GREB1: variants seen among roughly 807,000 people sequenced by gnomAD.
The protein encoded by GREB1 is protein GREB1.
Under a neutral mutation model 200.7 loss-of-function variants are expected in GREB1, and 106 were observed. That is an observed-to-expected ratio of 0.53 (90% confidence interval 0.45 to 0.62). The LOEUF (loss-of-function observed/expected upper bound fraction) is 0.62, where lower values mean the gene tolerates loss of function less well. Ranked by LOEUF, GREB1 falls within the 20% of genes least tolerant of loss-of-function variation. The pLI is 0.00. For synonymous variants in GREB1, 1,132 were observed against 1,092.4 expected (o/e 1.04, Z -0.72); for missense variants, 2,243 against 2,556.8 (o/e 0.88, Z 2.65).
intron 1 of GREB1, among the ~76,000 whole-genome samples, chr2:11,483,046 C>T (rs1672545313): frequency 6.6e-6 from 1 of 151,616 alleles, no homozygotes; most frequent in Non-Finnish European, 1.5e-5. Flanking sequence ...CACTCGGCGC[C>T]CGGCGGGGAA....
At position 11,609,241 on chromosome 2, in the gene GREB1, A is replaced by ATTTT. The variant is rs1488732320; in HGVS notation, c.2667-1446_2667-1443dup. 2.9e-4 allele frequency among the ~76,000 whole-genome samples: 16 copies of ATTTT among 56,042 alleles called. No homozygotes were observed. The South Asian group carries it at 5.7e-3, about 20-fold the overall frequency. 36.8% of individuals were successfully genotyped at this position (56,042 alleles called of 152,430 possible). On this transcript the variant is annotated intron_variant, in intron 17 of 32. Transcript: ENST00000381486. ...TCTTTCTTTCTTCCTGGGCATTATT[A>ATTTT]TTTTATTTATTTATTTATTTATTTA...
intron 19 of GREB1, 59 bp downstream of exon 19, chr2:11,612,669 C>A: frequency 1.8e-6 from 2 of 1,082,322 alleles, no homozygotes; most frequent in South Asian, 2.5e-5. Context: ...TGGGCCCCCT[C>A]AAGGAGCATG....
rs756660241 is a variant in GREB1, at chr2:11,618,990, G to A, written c.4044+71G>A. The A allele has an allele frequency of 5.2e-6, 7 of 1,349,838 alleles. 1 individual carries two copies. The highest frequency in any genetic ancestry group is 4.2e-4 in the Middle Eastern group (2 of 4,782). 83.6% of individuals were successfully genotyped at this position (1,349,838 alleles called of 1,614,324 possible). A position where few individuals can be genotyped will look rare whatever the true frequency, so the allele number is the denominator to read the frequency against. On this transcript the variant is annotated intron_variant, in intron 22 of 32. Transcript: ENST00000381486. The stretch of plus-strand genomic sequence containing the variant: ...CCTCACACTCCCATCTGGAGGGCAG[G>A]CCTGGGGGTGACCGCACCCACGTCT...
chr2:11,617,271 G>T (rs1301277947), intron 21 of GREB1, among the ~76,000 whole-genome samples: 1 of 152,228 alleles, frequency 6.6e-6, no homozygotes, highest in Admixed American at 6.5e-5. Flanking sequence ...TCAGGATCCC[G>T]CAGAGGAGGG....
chr2:11,501,895 GTTTTTTTTTGTTTTTTT>G lies in GREB1; in HGVS notation c.-159+19524_-159+19540del, dbSNP rs1437169280. Among the ~76,000 whole-genome samples, 156 of 45,544 alleles carry G rather than the reference GTTTTTTTTTGTTTTTTT, an allele frequency of 3.4e-3. 6 individuals are homozygous for G. The highest frequency in any genetic ancestry group is 0.012 in the African/African-American group (130 of 11,228). The allele number at this position is 45,544 out of a possible 152,430, so 29.9% of individuals were successfully genotyped here. ...TTACTTATTAGAGCCTGGATTTCCTGTTTTTTTTTGTTTTTTTTTTTTTTTTTTTTTTTTTTTTGAGA... is the reference window on the plus strand; with the variant it reads ...TTACTTATTAGAGCCTGGATTTCCTGTTTTTTTTTTTTTTTTTTTTTGAGA... On this transcript the variant is annotated intron_variant, in intron 1 of 2. Transcript: ENST00000628795.
At chr2:11,566,425 G>A in intron 3 of GREB1, 55 bp from the exon 4 acceptor site, 2 of 1,527,378 alleles carry the variant, frequency 1.3e-6, no homozygotes, top group Non-Finnish European at 1.8e-6. Context: ...TTGCCCCTGT[G>A]ACCCCGCTTC....
rs962089946 is a variant in GREB1 at position 11,493,064 on chromosome 2, C to T, written c.-159+10683C>T. 1.7e-4 allele frequency among the ~76,000 whole-genome samples: 26 copies of T among 152,190 alleles called. No homozygotes were observed. Among genetic ancestry groups the T allele is most frequent in the Non-Finnish European group, 2.9e-4 (20 of 68,032 alleles). ...GAGCAATTGTCCCAAGATGATTGAT[C>T]GTACAAACCTATCAATGAAGACACC... is the stretch of plus-strand genomic sequence containing the variant. On this transcript the variant is annotated intron_variant, in intron 1 of 2. Coordinates refer to the GREB1 transcript ENST00000628795. This position sits in a 1 kb window ranked among gnomAD's most constrained non-coding sequence, Gnocchi z 4.6.
intron 1 of GREB1, among the ~76,000 whole-genome samples, chr2:11,524,039 G>A (rs941547836): frequency 1.4e-5 from 2 of 146,134 alleles, no homozygotes; most frequent in Admixed American, 6.6e-5. Flanking sequence ...ATGCACACAC[G>A]TGCATGCACA....
intron 5 of GREB1, among the ~76,000 whole-genome samples, chr2:11,577,583 C>T (rs1175885592): frequency 6.6e-6 from 1 of 152,158 alleles, no homozygotes; most frequent in Non-Finnish European, 1.5e-5. Flanking sequence ...GGATCCTCAG[C>T]GGCCTGCCAT....
Position 11,600,771 on chromosome 2 carries a change from T to C in GREB1, c.2334-29T>C, listed in dbSNP as rs758034945. On this transcript the variant is annotated intron_variant, in intron 15 of 32. Transcript: ENST00000381486. ...CAAAATTAGAAAACAATATAGTAAT[T>C]CCACTGATTGTGTCTTCTCCTCCCT... 4 of 1,569,656 alleles carry C rather than the reference T, an allele frequency of 2.5e-6. No individual in the cohort carries two copies. In the Admixed American group the frequency reaches 6.8e-5, roughly 27 times the overall value.
At chr2:11,592,197 TTTTTTTAAC>T in intron 10 of GREB1, 3 of 549,654 alleles carry the variant, frequency 5.5e-6, no homozygotes, top group Non-Finnish European at 6.8e-6. Flanking sequence ...CTTTTTTTTT[TTTTTTTAAC>T]AACAGCAGTG....
chr2:11,605,534 A>G (rs1682206707), intron 17 of GREB1, among the ~76,000 whole-genome samples: 1 of 152,108 alleles, frequency 6.6e-6, no homozygotes, highest in Non-Finnish European at 1.5e-5. Context: ...GTGCATATTT[A>G]AAGTATTCAA....
chr2:11,585,766 C>G lies in GREB1; in HGVS notation c.1020C>G (p.Ser340Arg), dbSNP rs756358442. 6.2e-7 allele frequency: 1 copy of G among 1,612,928 alleles called. No homozygotes were observed. The highest frequency in any genetic ancestry group is 1.1e-5 in the South Asian group (1 of 91,018). ...QGGGNRAKYE[S>R]AGMSCVPQVG... ...AATATTCTTGGGTGTTCCTAGAGAGCGCAGGCATGTCCTGCGTGCCGCAGG... is the reference window on the plus strand; with the variant it reads ...AATATTCTTGGGTGTTCCTAGAGAGGGCAGGCATGTCCTGCGTGCCGCAGG... Residue 340 changes from serine (S) to arginine (R), a missense_variant, in exon 9 of 33, where the codon AGC becomes AGG. Around this residue, in one of 3 missense-constraint regions of GREB1, gnomAD observed 1,178 missense variants for 1,387.4 expected, o/e 0.85. Transcript: ENST00000381486.
intron 1 of GREB1, among the ~76,000 whole-genome samples, chr2:11,546,974 C>G (rs1157176775): frequency 1.5e-5 from 2 of 129,276 alleles, no homozygotes; most frequent in Non-Finnish European, 3.2e-5. Context: ...GAGATGGCTT[C>G]TCACCCTGTT....
At chr2:11,620,009 G>T (rs189873022) in intron 22 of GREB1, among the ~76,000 whole-genome samples, 3 of 152,120 alleles carry the variant, frequency 2.0e-5, no homozygotes, top group Admixed American at 6.5e-5. Flanking sequence ...ACGGAGTCTC[G>T]CTCTGTCGCC....
intron 1 of GREB1, among the ~76,000 whole-genome samples, chr2:11,500,292 G>A (rs891842978): frequency 1.3e-5 from 2 of 152,214 alleles, no homozygotes; most frequent in African/African-American, 4.8e-5. Context: ...CTCCTGAGTA[G>A]CTGGGATTAC....
chr2:11,591,286 G>T lies in GREB1; in HGVS notation c.1346-1490G>T, dbSNP rs373299738. On this transcript the variant is annotated intron_variant, in intron 10 of 32. Coordinates refer to ENST00000381486, the MANE Select transcript of GREB1 (RefSeq NM_014668.4). The stretch of plus-strand genomic sequence containing the variant: ...ACAGAGCAGGTGTCATGAACCCCGT[G>T]TTATGCATCAGGAAACCATGGGAGA... The T allele has an allele frequency of 1.9e-5, 13 of 696,584 alleles. No homozygotes were observed. In the South Asian group the frequency reaches 2.0e-4, roughly 11 times the overall value. 43.2% of individuals were successfully genotyped at this position (696,584 alleles called of 1,614,324 possible). A position where few individuals can be genotyped will look rare whatever the true frequency, so the allele number is the denominator to read the frequency against.
chr2:11,625,709 G>A (rs1167281331), intron 24 of GREB1, among the ~76,000 whole-genome samples: 4 of 152,174 alleles, frequency 2.6e-5, no homozygotes, highest in Non-Finnish European at 1.5e-5. Context: ...TCCATGGTGT[G>A]CTGGCGCTGC....
chr2:11,537,949 T>C (rs1674375349), intron 1 of GREB1, among the ~76,000 whole-genome samples: 1 of 152,168 alleles, frequency 6.6e-6, no homozygotes, highest in Non-Finnish European at 1.5e-5. Flanking sequence ...ATAGCTTTTA[T>C]GCATTTATTG....
Sources: gnomAD v4.1 joint callset for allele counts (sites outside exome capture counted in the v4.1 genomes callset) on GRCh38, gnomAD v4.1.1 for gene constraint, gnomAD v4.1.1 regional missense constraint, Gnocchi (gnomAD v3.1) non-coding constraint, MANE v1.5 for transcripts, NCBI Gene and HGNC (gene_info 2026-07-23, HGNC 2026-07-21) for gene names.